TRPS1: variants seen among roughly 807,000 people sequenced by gnomAD.
TRPS1 encodes transcriptional repressor GATA binding 1.
A neutral mutation model predicts 101.2 loss-of-function variants in TRPS1; 6 were observed. The observed-to-expected ratio is 0.06, with a 90% confidence interval of 0.03 to 0.12. The LOEUF (loss-of-function observed/expected upper bound fraction) is 0.12. Ranked by LOEUF, TRPS1 falls within the 10% of genes least tolerant of loss-of-function variation. The pLI, the probability that TRPS1 is intolerant of heterozygous loss-of-function variation, is 1.00. For missense variants in TRPS1, 1,363 were observed against 1,567.0 expected, an observed-to-expected ratio of 0.87 and a Z score of 2.20; for synonymous variants, 578 against 589.8, an observed-to-expected ratio of 0.98 and a Z score of 0.29.
chr8:115,431,283 T>C (rs151007341), intron 5 of TRPS1, among the ~76,000 whole-genome samples: 9 of 152,186 alleles, frequency 5.9e-5, no homozygotes, highest in African/African-American at 1.2e-4. Context: ...TTGGCACTTA[T>C]ATACAAGTGT....
intron 5 of TRPS1, among the ~76,000 whole-genome samples, chr8:115,532,712 G>C (rs1450794569): frequency 6.6e-6 from 1 of 152,040 alleles, no homozygotes; most frequent in Non-Finnish European, 1.5e-5. Flanking sequence ...GGTAGTCCTG[G>C]ACACAAAAAG....
chr8:115,456,893 T>C (rs1237388941), intron 5 of TRPS1, among the ~76,000 whole-genome samples: 1 of 152,052 alleles, frequency 6.6e-6, no homozygotes, highest in Non-Finnish European at 1.5e-5. Context: ...TATAGAAATA[T>C]ATATTTTCAA....
In TRPS1 at chr8:115,587,640, G is replaced by A. The variant is rs777259438; in HGVS notation, c.2097-36C>T. 13 of 1,612,856 alleles carry A rather than the reference G, an allele frequency of 8.1e-6. No homozygotes were observed. In the Admixed American group the frequency reaches 2.2e-4, roughly 27 times the overall value. ...AGAAAACAGTTACTGCAAAGACAGC[G>A]TTCTGAAGGGTTGTTTTATTTTTAA... On this transcript the variant is annotated intron_variant, in intron 4 of 6. Transcript: ENST00000395715.
chr8:115,526,516 T>C (rs953466830), intron 5 of TRPS1, among the ~76,000 whole-genome samples: 10 of 152,268 alleles, frequency 6.6e-5, no homozygotes, highest in African/African-American at 2.4e-4. Flanking sequence ...AACAATATAA[T>C]ACATCTACAA....
intron 5 of TRPS1, among the ~76,000 whole-genome samples, chr8:115,524,544 C>T (rs2130241593): frequency 6.6e-6 from 1 of 152,096 alleles, no homozygotes; most frequent in Non-Finnish European, 1.5e-5. Flanking sequence ...TGGTCTCGAA[C>T]TCCTGACCTC....
rs917909428 is a variant in TRPS1, at chr8:115,668,119, C to A, written c.-122+426G>T. 8.4e-6 allele frequency: 5 copies of A among 597,402 alleles called. No homozygotes were observed. The African/African-American group carries it at 9.3e-5, about 11-fold the overall frequency. 37.0% of individuals were successfully genotyped at this position (597,402 alleles called of 1,614,324 possible). A position where few individuals can be genotyped will look rare whatever the true frequency, so the allele number is the denominator to read the frequency against. ...GGGATTTGTTTTTCCTCCTCCCCGG[C>A]GGCTGAACTTGACCCTGCTGACTCC... On this transcript the variant is annotated intron_variant, in intron 1 of 6. Transcript: ENST00000395715.
At chr8:115,463,928 AT>A (rs2129985311) in intron 5 of TRPS1, among the ~76,000 whole-genome samples, 1 of 151,988 alleles carries the variant, frequency 6.6e-6, no homozygotes, top group Admixed American at 6.6e-5. Context: ...TAACACTGAA[AT>A]AAATTACATC....
chr8:115,600,209 T>A (rs1028712205), intron 4 of TRPS1, among the ~76,000 whole-genome samples: 4 of 152,178 alleles, frequency 2.6e-5, no homozygotes, highest in Non-Finnish European at 5.9e-5. Flanking sequence ...TATCTTTGAA[T>A]GCTTATTAGT....
chr8:115,457,162 T>A (rs17658760), intron 5 of TRPS1, among the ~76,000 whole-genome samples: 1 of 152,146 alleles, frequency 6.6e-6, no homozygotes, highest in Non-Finnish European at 1.5e-5. Context: ...AAAACAGTTT[T>A]GATAAAAAGA....
At chr8:115,529,513 A>G (rs1045341067) in intron 5 of TRPS1, among the ~76,000 whole-genome samples, 6 of 152,168 alleles carry the variant, frequency 3.9e-5, no homozygotes, top group African/African-American at 1.4e-4. Flanking sequence ...CATTAACAAA[A>G]AAATGTGCCT....
intron 5 of TRPS1, among the ~76,000 whole-genome samples, chr8:115,558,856 G>A (rs1001133036): frequency 2.0e-5 from 3 of 151,952 alleles, no homozygotes; most frequent in African/African-American, 7.3e-5. Context: ...AAGAATCTTT[G>A]GAATGCTAAT....
At chr8:115,502,808 G>A (rs1311379796) in intron 5 of TRPS1, among the ~76,000 whole-genome samples, 2 of 151,996 alleles carry the variant, frequency 1.3e-5, no homozygotes, top group Admixed American at 1.3e-4. Flanking sequence ...ATTTAATAAA[G>A]GGAATATTCA....
At chr8:115,527,185 T>C (rs192147091) in intron 5 of TRPS1, among the ~76,000 whole-genome samples, 169 of 151,178 alleles carry the variant, frequency 1.1e-3, no homozygotes, top group African/African-American at 3.9e-3. Flanking sequence ...GCCCTCAGCC[T>C]TTTTTTTTCA....
chr8:115,552,959 C>T (rs547499093), intron 5 of TRPS1, among the ~76,000 whole-genome samples: 1 of 152,152 alleles, frequency 6.6e-6, no homozygotes, highest in South Asian at 2.1e-4. Flanking sequence ...ACAGACTACA[C>T]ACTTCTAGAA....
intron 5 of TRPS1, among the ~76,000 whole-genome samples, chr8:115,428,474 G>A (rs747594744): frequency 1.3e-5 from 2 of 152,132 alleles, no homozygotes; most frequent in African/African-American, 2.4e-5. Context: ...ATGTTAAAAC[G>A]CAGCCTTGAG....
chr8:115,494,299 C>T (rs578040290), intron 5 of TRPS1, among the ~76,000 whole-genome samples: 12 of 152,276 alleles, frequency 7.9e-5, no homozygotes, highest in Non-Finnish European at 1.3e-4. Flanking sequence ...TTTCGTGGGC[C>T]TCTTTCCAAA....
chr8:115,526,101 G>T (rs896875536), intron 5 of TRPS1, among the ~76,000 whole-genome samples: 1 of 152,038 alleles, frequency 6.6e-6, no homozygotes, highest in African/African-American at 2.4e-5. Flanking sequence ...GAACGTTCTG[G>T]GTCTCGAGAG....
chr8:115,471,189 C>T (rs1009828569), intron 5 of TRPS1, among the ~76,000 whole-genome samples: 4 of 152,102 alleles, frequency 2.6e-5, no homozygotes, highest in South Asian at 2.1e-4. Flanking sequence ...TATACAGAAG[C>T]GCCTGAGATT....
intron 5 of TRPS1, among the ~76,000 whole-genome samples, chr8:115,527,357 G>A (rs1236891546): frequency 6.6e-6 from 1 of 151,862 alleles, no homozygotes; most frequent in Non-Finnish European, 1.5e-5. Context: ...TAATATACAA[G>A]GTGAAATAGC....
Sources: gnomAD v4.1 joint callset for allele counts (sites outside exome capture counted in the v4.1 genomes callset) on GRCh38, gnomAD v4.1.1 for gene constraint, MANE v1.5 for transcripts, NCBI Gene and HGNC (gene_info 2026-07-23, HGNC 2026-07-21) for gene names.